The following UXS1 variants were observed in gnomAD, a reference collection of about 807,000 sequenced individuals.
The protein encoded by UXS1 is UDP-glucuronic acid decarboxylase 1.
A neutral mutation model predicts 62.6 loss-of-function variants in UXS1; 33 were observed. The ratio of observed to expected loss-of-function variants is 0.53; its 90% CI spans 0.40 to 0.70. The LOEUF is 0.70. Ranked by LOEUF, UXS1 falls within the 30% of genes least tolerant of loss-of-function variation. The pLI is 0.00. For missense variants in UXS1, 434 were observed against 556.3 expected (o/e 0.78, Z 2.21); for synonymous variants, 213 against 206.8 (o/e 1.03, Z -0.26).
At chr2:106,110,229 G>A (rs1324515078) in intron 10 of UXS1, among the ~76,000 whole-genome samples, 1 of 152,168 alleles carries the variant, frequency 6.6e-6, no homozygotes. Flanking sequence ...AGCCCACCAC[G>A]TTCTCGATTA....
intron 2 of UXS1, 41 bp from the exon 3 acceptor site, chr2:106,164,840 G>C (rs772285648): frequency 2.7e-6 from 4 of 1,460,672 alleles, no homozygotes; most frequent in Admixed American, 4.5e-5. Flanking sequence ...GTGACTTTAA[G>C]ACTGTTTCTG....
At chr2:106,119,546 C>A (rs1005605831) in intron 9 of UXS1, among the ~76,000 whole-genome samples, 3 of 152,212 alleles carry the variant, frequency 2.0e-5, no homozygotes, top group Non-Finnish European at 4.4e-5. Context: ...GCAACACCCA[C>A]AGCAGGCACG....
chr2:106,117,525 C>T (rs1435832045), intron 9 of UXS1, among the ~76,000 whole-genome samples: 5 of 142,884 alleles, frequency 3.5e-5, no homozygotes, highest in Admixed American at 7.0e-5. Flanking sequence ...ATCAAGCCAC[C>T]GAACACTGTA....
intron 1 of UXS1, among the ~76,000 whole-genome samples, chr2:106,189,974 G>C (rs1356707799): frequency 6.6e-6 from 1 of 152,212 alleles, no homozygotes; most frequent in Non-Finnish European, 1.5e-5. Context: ...TGTGGGTGCA[G>C]GTGGTGAGGC....
chr2:106,163,376 C>T (rs1179622762), intron 4 of UXS1, among the ~76,000 whole-genome samples: 1 of 152,128 alleles, frequency 6.6e-6, no homozygotes, highest in Non-Finnish European at 1.5e-5. Context: ...GAATTCTATC[C>T]CACTGATCAA....
chr2:106,194,215 G>C lies in UXS1; in HGVS notation c.27C>G (p.Leu9=). MVSKALLR[L]VSAVNRRRMK... ...TCCTCCTGCGGTTGACGGCAGACACGAGGCGCAGCAGCGCCTTGCTCACCA... is the reference window on the plus strand; with the variant it reads ...TCCTCCTGCGGTTGACGGCAGACACCAGGCGCAGCAGCGCCTTGCTCACCA... Residue 9 remains leucine (L), a synonymous_variant, in exon 1 of 15, where the codon CTC becomes CTG. Coordinates refer to ENST00000283148, the MANE Select transcript of UXS1 (RefSeq NM_001253875.2). 1 of 1,468,198 alleles carries C rather than the reference G, an allele frequency of 6.8e-7. No homozygotes were observed. The highest frequency in any genetic ancestry group is 9.0e-7 in the Non-Finnish European group (1 of 1,107,278). The allele number at this position is 1,468,198 out of a possible 1,614,324, so 90.9% of individuals were successfully genotyped here.
chr2:106,116,670 T>TA, intron 9 of UXS1, among the ~76,000 whole-genome samples: 1 of 152,360 alleles, frequency 6.6e-6, no homozygotes, highest in African/African-American at 2.4e-5. Context: ...ATTTATATAT[T>TA]AAGTACACTA....
At position 106,176,707 on chromosome 2, in the gene UXS1, G is replaced by A. The variant is rs561784460; in HGVS notation, c.95-10624C>T. 1.1e-4 allele frequency among the ~76,000 whole-genome samples: 16 copies of A among 152,344 alleles called. 1 individual carries two copies. In the South Asian group the frequency reaches 3.3e-3, roughly 32 times the overall value. On this transcript the variant is annotated intron_variant, in intron 1 of 14. Transcript: ENST00000283148. ...TGTGCTCATTCTAAGCGGTTACACAGGATGAAAAGTGGCCCAAATAAAAAG... is the reference window on the plus strand; with the variant it reads ...TGTGCTCATTCTAAGCGGTTACACAAGATGAAAAGTGGCCCAAATAAAAAG...
chr2:106,119,871 T>C (rs1013696392), intron 9 of UXS1, among the ~76,000 whole-genome samples: 2 of 152,218 alleles, frequency 1.3e-5, no homozygotes, highest in African/African-American at 2.4e-5. Context: ...GTTTGTTTTA[T>C]TTTATTTTTC....
intron 11 of UXS1, chr2:106,102,035 G>A (rs1037129257): frequency 4.6e-5 from 7 of 152,290 alleles, no homozygotes; most frequent in African/African-American, 1.7e-4. Flanking sequence ...AAAGAAAACC[G>A]CAGATAGGTT....
intron 1 of UXS1, among the ~76,000 whole-genome samples, chr2:106,178,164 G>A (rs569140593): frequency 2.0e-5 from 3 of 152,268 alleles, no homozygotes; most frequent in East Asian, 1.9e-4. Flanking sequence ...TGCCCGCCGC[G>A]TGGGGGCCCT....
At position 106,194,269 on chromosome 2, in the gene UXS1, C is replaced by G. The variant is rs1479435692; in HGVS notation, c.-28G>C. The G allele has an allele frequency of 2.3e-6, 3 of 1,312,760 alleles. No homozygotes were observed. Among genetic ancestry groups the G allele is most frequent in the African/African-American group, 3.1e-5 (2 of 64,014 alleles). 81.3% of individuals were successfully genotyped at this position (1,312,760 alleles called of 1,614,324 possible). A position where few individuals can be genotyped will look rare whatever the true frequency, so the allele number is the denominator to read the frequency against. ...CCGGGAGCCGCGCGGGTCCAGGGCC[C>G]TACCGCGCGGGGGCCCGCCTGCTGC... is the stretch of plus-strand genomic sequence containing the variant. On this transcript the variant is annotated 5_prime_UTR_variant, in exon 1 of 15. Coordinates refer to ENST00000283148, the MANE Select transcript of UXS1 (RefSeq NM_001253875.2).
In UXS1 at chr2:106,099,618, T is replaced by C. The variant is rs114948892; in HGVS notation, c.985-845A>G. Among the ~76,000 whole-genome samples the C allele has an allele frequency of 5.3e-3, 813 of 152,266 alleles. 11 individuals carry two copies. Among genetic ancestry groups the C allele is most frequent in the African/African-American group, 0.019 (779 of 41,550 alleles). On this transcript the variant is annotated intron_variant, in intron 12 of 14. Coordinates refer to ENST00000283148, the MANE Select transcript of UXS1 (RefSeq NM_001253875.2). ...ATTCCAATTTTAGGAATTGTCCCTG[T>C]GCAAAGGCCCTCCCCAAAGAGGGAA...
At position 106,144,361 on chromosome 2, in the gene UXS1, C is replaced by T. The variant is rs149091756; in HGVS notation, c.472+829G>A. Among the ~76,000 whole-genome samples, 1,270 of 152,152 alleles carry T rather than the reference C, an allele frequency of 8.3e-3. 11 individuals are homozygous for T. The highest frequency in any genetic ancestry group is 0.012 in the Non-Finnish European group (808 of 68,020). The stretch of plus-strand genomic sequence containing the variant: ...ATTAAATATTCATCTCATCTTGGAA[C>T]GGTTAGAGCAGAAAGAGAACAGAAG... On this transcript the variant is annotated intron_variant, in intron 6 of 14. Coordinates refer to ENST00000283148, the MANE Select transcript of UXS1 (RefSeq NM_001253875.2).
At chr2:106,164,353 C>T (rs78762440) in intron 3 of UXS1, among the ~76,000 whole-genome samples, 122 of 24,862 alleles carry the variant, frequency 4.9e-3, no homozygotes, top group Admixed American at 0.016. Flanking sequence ...GGGTGTGCAA[C>T]GTCTCCATCT....
At chr2:106,113,350 G>A (rs1420850399) in intron 9 of UXS1, among the ~76,000 whole-genome samples, 1 of 152,174 alleles carries the variant, frequency 6.6e-6, no homozygotes, top group East Asian at 1.9e-4. Context: ...TTAGTGCCCA[G>A]TATAGGTTAT....
intron 7 of UXS1, among the ~76,000 whole-genome samples, chr2:106,128,844 C>T (rs1356105986): frequency 1.3e-5 from 2 of 152,184 alleles, no homozygotes; most frequent in Non-Finnish European, 2.9e-5. Flanking sequence ...CGACTCCACG[C>T]TTTGTTCAAA....
chr2:106,126,308 TCA>T (rs1679943617), intron 7 of UXS1, among the ~76,000 whole-genome samples: 1 of 152,136 alleles, frequency 6.6e-6, no homozygotes, highest in Admixed American at 6.5e-5. Flanking sequence ...CCAAACTCAT[TCA>T]CAGAGTCCCA....
chr2:106,147,140 C>T (rs1382130292), intron 5 of UXS1, among the ~76,000 whole-genome samples: 2 of 152,148 alleles, frequency 1.3e-5, no homozygotes, highest in East Asian at 3.9e-4. Context: ...GACTCTGTCT[C>T]ATAAATAAAT....
Sources: allele counts gnomAD v4.1 joint callset (sites outside exome capture counted in the v4.1 genomes callset), GRCh38; gene constraint gnomAD v4.1.1; transcripts MANE v1.5; gene names NCBI Gene and HGNC (gene_info 2026-07-23, HGNC 2026-07-21).